The following PUDP variants were observed in gnomAD, a reference collection of about 807,000 sequenced individuals.
PUDP encodes pseudouridine-5'-phosphatase.
A neutral mutation model predicts 9.4 loss-of-function variants in PUDP; 8 were observed. The observed-to-expected ratio is 0.85, with a 90% confidence interval of 0.50 to 1.53. PUDP has a LOEUF of 1.53. PUDP is among the 40% of genes most tolerant of loss of function. The pLI is 0.00. For missense variants in PUDP, 188 were observed against 189.7 expected (o/e 0.99, Z 0.05); for synonymous variants, 99 against 80.7 (o/e 1.23, Z -1.22).
intron 1 of PUDP, among the ~76,000 whole-genome samples, chrX:7,139,932 T>C (rs1461384216): frequency 9.1e-6 from 1 of 110,275 alleles, no homozygotes; most frequent in African/African-American, 3.3e-5. Context: ...TGCACCAGGG[T>C]CCTTAGCTGC....
chrX:6,812,619 T>G (rs1033251058), intron 3 of PUDP, among the ~76,000 whole-genome samples: 5 of 112,069 alleles, frequency 4.5e-5, no homozygotes, highest in African/African-American at 1.6e-4. Flanking sequence ...TTTCCTTACA[T>G]GTGGGAAATA....
chrX:7,029,067 T>C (rs1314989849), intron 1 of PUDP, among the ~76,000 whole-genome samples: 9 of 112,381 alleles, frequency 8.0e-5, no homozygotes, highest in African/African-American at 2.9e-4. Flanking sequence ...TAGGGCCACA[T>C]GCAGCCCAGG....
At chrX:6,725,873 A>G (rs1170242203), upstream of PUDP, among the ~76,000 whole-genome samples, 1 of 111,987 alleles carries the variant, frequency 8.9e-6, no homozygotes, top group African/African-American at 3.2e-5. Flanking sequence ...CCAAAGAACT[A>G]AAAATAGAAC....
At chrX:6,828,465 C>T (rs1450690056) in intron 3 of PUDP, among the ~76,000 whole-genome samples, 2 of 111,436 alleles carry the variant, frequency 1.8e-5, no homozygotes, top group Non-Finnish European at 3.8e-5. Flanking sequence ...ACCCCCAGCA[C>T]CCACACATGC....
intron 3 of PUDP, among the ~76,000 whole-genome samples, chrX:6,773,432 A>G (rs1429703192): frequency 8.9e-6 from 1 of 111,815 alleles, no homozygotes; most frequent in East Asian, 2.8e-4. Flanking sequence ...GGCCCAGAAG[A>G]TCCTGGAGCT....
chrX:6,736,732 T>G (rs754943550), intron 3 of PUDP, among the ~76,000 whole-genome samples: 8 of 111,463 alleles, frequency 7.2e-5, no homozygotes, highest in Non-Finnish European at 1.5e-4. Flanking sequence ...GCCATGATCC[T>G]AAGTGAAGTA....
intron 3 of PUDP, among the ~76,000 whole-genome samples, chrX:6,765,303 A>C (rs1313139215): frequency 9.0e-6 from 1 of 110,766 alleles, no homozygotes; most frequent in African/African-American, 3.3e-5. Flanking sequence ...ACAAACAAAC[A>C]AACCAACAAC....
At chrX:6,751,521 A>G (rs758250823) in intron 3 of PUDP, among the ~76,000 whole-genome samples, 13 of 112,064 alleles carry the variant, frequency 1.2e-4, no homozygotes, top group African/African-American at 4.2e-4. Context: ...AATGAAAAAT[A>G]CCAGATATTT....
chrX:7,138,047 G>A (rs1352299996), intron 1 of PUDP, among the ~76,000 whole-genome samples: 2 of 111,984 alleles, frequency 1.8e-5, no homozygotes, highest in African/African-American at 6.5e-5. Context: ...CCCCAAAAAG[G>A]TGACGAAGGG....
At chrX:7,101,834 A>G (rs1203134905) in intron 2 of PUDP, among the ~76,000 whole-genome samples, 1 of 111,871 alleles carries the variant, frequency 8.9e-6, no homozygotes, top group African/African-American at 3.2e-5. Context: ...AAGGGGCAAC[A>G]CTACAACCAA....
chrX:7,098,097 G>A (rs1931624403), intron 2 of PUDP, among the ~76,000 whole-genome samples: 1 of 112,015 alleles, frequency 8.9e-6, no homozygotes, highest in African/African-American at 3.2e-5. Context: ...GATGACACAA[G>A]TGCCTGCTAG....
At chrX:7,105,563 A>C in intron 2 of PUDP, 57 bp downstream of exon 2, 1 of 910,329 alleles carries the variant, frequency 1.1e-6, no homozygotes, top group Non-Finnish European at 1.5e-6. Flanking sequence ...AAGGTGATTT[A>C]CAAAACCATT....
intron 3 of PUDP, among the ~76,000 whole-genome samples, chrX:7,064,757 A>G (rs1249142465): frequency 8.9e-6 from 1 of 112,051 alleles, no homozygotes. Context: ...ATGCAGCTCA[A>G]ATAATACTCT....
chrX:7,031,471 C>T (rs1321864761), intron 1 of PUDP, among the ~76,000 whole-genome samples: 1 of 111,874 alleles, frequency 8.9e-6, no homozygotes, highest in Non-Finnish European at 1.9e-5. Flanking sequence ...TTCACCCTTC[C>T]ACGCTAAACT....
intron 1 of PUDP, among the ~76,000 whole-genome samples, chrX:7,146,406 T>C (rs1265945637): frequency 2.7e-5 from 3 of 111,969 alleles, no homozygotes; most frequent in Admixed American, 1.9e-4. Flanking sequence ...TGGACCTTTA[T>C]TAGAGGATAA....
chrX:6,983,706 GT>G (rs779570526), intron 1 of PUDP, among the ~76,000 whole-genome samples: 2 of 112,146 alleles, frequency 1.8e-5, no homozygotes, highest in East Asian at 5.6e-4. Context: ...AATAAGGACA[GT>G]TTAGAGGTTA....
At chrX:6,998,145 C>T (rs182427679) in intron 1 of PUDP, among the ~76,000 whole-genome samples, 1 of 111,700 alleles carries the variant, frequency 9.0e-6, no homozygotes, top group Admixed American at 9.5e-5. Context: ...GGGTGTTTCT[C>T]AGGGTCCCTC....
Position 7,148,125 on chromosome X carries a change from C to T in PUDP, c.-12G>A, listed in dbSNP as rs12841335. The T allele has an allele frequency of 9.9e-6, 11 of 1,110,682 alleles. No individual in the cohort carries two copies. Among genetic ancestry groups the T allele is most frequent in the Non-Finnish European group, 1.2e-5 (10 of 836,918 alleles). 91.5% of individuals were successfully genotyped at this position (1,110,682 alleles called of 1,213,427 possible). On this transcript the variant is annotated 5_prime_UTR_variant, in exon 1 of 4. Coordinates refer to ENST00000381077, the MANE Select transcript of PUDP (RefSeq NM_012080.5). ...GGGGGCGCCGCCATGGTGGCGCCTT[C>T]TGGGTCTGGGTGGGGGCGAGGAGGA...
At chrX:6,716,108 T>C (rs1551078) in intron 1 of PUDP, among the ~76,000 whole-genome samples, 51,802 of 106,869 alleles carry the variant, frequency 0.48, 10,016 homozygotes, top group African/African-American at 0.68. Context: ...TGAGCCTAAA[T>C]GAATATGTTA....
Sources: gnomAD v4.1 joint callset for allele counts (sites outside exome capture counted in the v4.1 genomes callset) on GRCh38, gnomAD v4.1.1 for gene constraint, MANE v1.5 for transcripts, NCBI Gene and HGNC (gene_info 2026-07-23, HGNC 2026-07-21) for gene names.